The following LRRC27 variants were observed in gnomAD, a reference collection of about 807,000 sequenced individuals.
The protein encoded by LRRC27 is leucine rich repeat containing 27.
A neutral mutation model predicts 55.0 loss-of-function variants in LRRC27; 57 were observed. That is an observed-to-expected ratio of 1.04 (90% CI 0.84 to 1.29). The LOEUF (loss-of-function observed/expected upper bound fraction) is 1.29, where lower values mean the gene tolerates loss of function less well. Ranked by LOEUF, LRRC27 falls within the 50% of genes most tolerant of loss-of-function variation. The pLI, the probability that LRRC27 is intolerant of heterozygous loss-of-function variation, is 0.00. For missense variants in LRRC27, 721 were observed against 651.5 expected (o/e 1.11, Z -1.16); for synonymous variants, 278 against 251.9 (o/e 1.10, Z -0.98).
chr10:132,344,398 A>G (rs903188421), intron 4 of LRRC27, 100 bp from the exon 5 acceptor site: 6 of 1,264,118 alleles, frequency 4.7e-6, no homozygotes, highest in African/African-American at 4.5e-5. Flanking sequence ...ACTGAATAGA[A>G]TCATATTTTA....
intron 10 of LRRC27, chr10:132,366,677 G>T: frequency 3.5e-6 from 1 of 285,568 alleles, no homozygotes; most frequent in Middle Eastern, 1.4e-3. Flanking sequence ...GCCTCTTCCA[G>T]GTCAGTGTAC....
At chr10:132,334,830 AG>A (rs2067037436) in intron 2 of LRRC27, among the ~76,000 whole-genome samples, 1 of 152,246 alleles carries the variant, frequency 6.6e-6, no homozygotes, top group Non-Finnish European at 1.5e-5. Flanking sequence ...AGGGAGAAGG[AG>A]GAAATTCCAG....
chr10:132,330,344 T>C, upstream of LRRC27: 1 of 668,608 alleles, frequency 1.5e-6, no homozygotes, highest in East Asian at 2.8e-5. Context: ...TGAAACTTGT[T>C]AGAAATAGCA....
intron 9 of LRRC27, among the ~76,000 whole-genome samples, chr10:132,364,245 C>T (rs2474333): frequency 0.14 from 20,667 of 151,684 alleles, 1,911 homozygotes; most frequent in Non-Finnish European, 0.21. Flanking sequence ...AGAGGGTCTT[C>T]GGAGAGGCTG....
Position 132,355,623 on chromosome 10 carries a change from C to T in LRRC27, c.1074-167C>T, listed in dbSNP as rs542680869. 1.7e-3 allele frequency among the ~76,000 whole-genome samples: 254 copies of T among 152,312 alleles called. 2 individuals carry two copies. Among genetic ancestry groups the T allele is most frequent in the African/African-American group, 5.7e-3 (239 of 41,574 alleles). Reference sequence around the variant, plus strand: ...CATTCCCGGCTCTGCCCAGATGTGCCGGGAGGAAGAGGCTGTGGTTCAGAC... The same window carrying T: ...CATTCCCGGCTCTGCCCAGATGTGCTGGGAGGAAGAGGCTGTGGTTCAGAC... On this transcript the variant is annotated intron_variant, in intron 7 of 10. Coordinates refer to ENST00000368614, the MANE Select transcript of LRRC27 (RefSeq NM_030626.3).
At chr10:132,359,380 T>C (rs2068504892) in intron 8 of LRRC27, among the ~76,000 whole-genome samples, 1 of 152,186 alleles carries the variant, frequency 6.6e-6, no homozygotes, top group Non-Finnish European at 1.5e-5. Flanking sequence ...ACAACTCCAG[T>C]TTCCATGTCC....
chr10:132,346,662 C>A (rs2067711458), intron 5 of LRRC27, among the ~76,000 whole-genome samples: 2 of 152,096 alleles, frequency 1.3e-5, no homozygotes, highest in South Asian at 4.1e-4. Context: ...GAGATTCCGT[C>A]TTAAAAAAAT....
Position 132,372,911 on chromosome 10 carries a change from C to T in LRRC27, c.1417-2155C>T, listed in dbSNP as rs964895230. Among the ~76,000 whole-genome samples the T allele has an allele frequency of 3.9e-5, 6 of 152,136 alleles. No individual in the cohort carries two copies. Among genetic ancestry groups the T allele is most frequent in the African/African-American group, 9.7e-5 (4 of 41,422 alleles). On this transcript the variant is annotated intron_variant, in intron 10 of 10. Coordinates refer to ENST00000368614, the MANE Select transcript of LRRC27 (RefSeq NM_030626.3). This position sits in a 1 kb window ranked among gnomAD's most constrained non-coding sequence, Gnocchi z 4.0. Reference sequence around the variant, plus strand: ...ACCACCGACACCCCGATCTCAGCCTCGTTCCAGGGCCTCAGTCACGAGAGG... The same window carrying T: ...ACCACCGACACCCCGATCTCAGCCTTGTTCCAGGGCCTCAGTCACGAGAGG...
intron 5 of LRRC27, among the ~76,000 whole-genome samples, chr10:132,347,477 C>T (rs181318532): frequency 2.0e-5 from 3 of 150,250 alleles, no homozygotes; most frequent in Admixed American, 6.6e-5. Context: ...CACATGTGTC[C>T]TGTGGGGCTT....
At chr10:132,347,164 T>C (rs899671231) in intron 5 of LRRC27, among the ~76,000 whole-genome samples, 2 of 152,256 alleles carry the variant, frequency 1.3e-5, no homozygotes, top group East Asian at 3.8e-4. Flanking sequence ...ACAAAGATTC[T>C]AAGTGATCTG....
chr10:132,331,888 C>A (rs368172958), upstream of LRRC27: 4 of 1,059,114 alleles, frequency 3.8e-6, no homozygotes, highest in Admixed American at 2.7e-5. Context: ...CGCACCACCC[C>A]CTGCCACCCC....
At chr10:132,359,057 C>T (rs1300725984) in intron 8 of LRRC27, among the ~76,000 whole-genome samples, 2 of 34,464 alleles carry the variant, frequency 5.8e-5, no homozygotes, top group African/African-American at 1.2e-4. Context: ...GGGGAGGAGC[C>T]GAGGTGGTGG....
chr10:132,366,614 G>A, intron 10 of LRRC27: 1 of 167,730 alleles, frequency 6.0e-6, no homozygotes. Flanking sequence ...CCTTCCTGCA[G>A]CCATAAGGAT....
At chr10:132,368,897 C>G (rs1044831797) in intron 10 of LRRC27, among the ~76,000 whole-genome samples, 1 of 152,126 alleles carries the variant, frequency 6.6e-6, no homozygotes, top group African/African-American at 2.4e-5. Context: ...GGAAAAGATA[C>G]ACCCGATAAA....
At chr10:132,331,444 C>T (rs1417910012), upstream of LRRC27, 75 of 1,610,232 alleles carry the variant, frequency 4.7e-5, no homozygotes, top group Non-Finnish European at 6.4e-5. Context: ...ACTGCGTTTC[C>T]TCGCCCCCCT....
At chr10:132,356,020 A>G (rs150957948) in intron 8 of LRRC27, 134 bp downstream of exon 8, 12,408 of 638,090 alleles carry the variant, frequency 0.019, 252 homozygotes, top group South Asian at 0.047. Flanking sequence ...ATCCCTGTCC[A>G]TGGAGGATGA....
intron 8 of LRRC27, among the ~76,000 whole-genome samples, chr10:132,360,499 T>C (rs1341460499): frequency 6.6e-6 from 1 of 152,226 alleles, no homozygotes; most frequent in African/African-American, 2.4e-5. Context: ...TTTCCTCTGC[T>C]GTGTCTGCAG....
At chr10:132,369,988 C>T (rs896170227) in intron 10 of LRRC27, among the ~76,000 whole-genome samples, 2 of 152,276 alleles carry the variant, frequency 1.3e-5, no homozygotes, top group South Asian at 2.1e-4. Flanking sequence ...CATTGACTTT[C>T]GTGCCACCTA....
Position 132,375,309 on chromosome 10 carries a change from C to A in LRRC27, c.*67C>A. 2 of 1,480,530 alleles carry A rather than the reference C, an allele frequency of 1.4e-6. No homozygotes were observed. The highest frequency in any genetic ancestry group is 2.5e-5 in the South Asian group (2 of 79,046). 91.7% of individuals were successfully genotyped at this position (1,480,530 alleles called of 1,614,324 possible). A position where few individuals can be genotyped will look rare whatever the true frequency, so the allele number is the denominator to read the frequency against. On this transcript the variant is annotated 3_prime_UTR_variant, in exon 11 of 11. Coordinates refer to ENST00000368614, the MANE Select transcript of LRRC27 (RefSeq NM_030626.3). ...CCGCTCAGTCTTCTTTCCCGGGCGTCGCCTCCTGTGTGGTGCCGGAAGAGC... is the reference window on the plus strand; with the variant it reads ...CCGCTCAGTCTTCTTTCCCGGGCGTAGCCTCCTGTGTGGTGCCGGAAGAGC...
Sources: allele counts gnomAD v4.1 joint callset (sites outside exome capture counted in the v4.1 genomes callset), GRCh38; gene constraint gnomAD v4.1.1; non-coding constraint Gnocchi (gnomAD v3.1); transcripts MANE v1.5; gene names NCBI Gene and HGNC (gene_info 2026-07-23, HGNC 2026-07-21).